The following AGT variants were observed in gnomAD, a reference collection of about 807,000 sequenced individuals.
AGT encodes the protein angiotensinogen, also known as alpha-1 antiproteinase, antitrypsin.
In AGT, 26 loss-of-function variants were observed where a neutral mutation model predicts 28.1. The observed-to-expected ratio is 0.92, with a 90% confidence interval of 0.68 to 1.28. The LOEUF is 1.28. Ranked by LOEUF, AGT falls within the 50% of genes most tolerant of loss-of-function variation. The probability of loss-of-function intolerance (pLI) is 0.00; values close to 1 mark genes in which losing one functional copy is unlikely to be tolerated. For missense variants in AGT, 596 were observed against 592.3 expected, an observed-to-expected ratio of 1.01 and a Z score of -0.06; for synonymous variants, 259 against 259.6, an observed-to-expected ratio of 1.00 and a Z score of 0.02.
In AGT at chr1:230,705,985, C is replaced by G; in HGVS notation, c.1045G>C (p.Gly349Arg). Residue 349 changes from glycine (G) to arginine (R), a missense_variant, in exon 3 of 5, where the codon GGT (glycine) becomes CGT (arginine). Physicochemically the swap from Gly to Arg is moderately radical, Grantham distance 125. Transcript: ENST00000366667. ...AGGGAGTTTTGCTGGAAAGTGAGAC[C>G]CTCCACCTTGTCCAGGTCAGAGGCA... ...HYASDLDKVE[G>R]LTFQQNSLNW... is the part of the protein sequence containing the mutation. 6.2e-7 allele frequency: 1 copy of G among 1,614,100 alleles called. No homozygotes were observed. Among genetic ancestry groups the G allele is most frequent in the Non-Finnish European group, 8.5e-7 (1 of 1,180,008 alleles).
intron 1 of AGT, among the ~76,000 whole-genome samples, chr1:230,724,607 T>C (rs1663904330): frequency 6.6e-6 from 1 of 152,082 alleles, no homozygotes; most frequent in South Asian, 2.1e-4. Flanking sequence ...GTGAAACACT[T>C]GAGCCCAGGA....
At chr1:230,731,353 A>C (rs1664051680) in intron 1 of AGT, among the ~76,000 whole-genome samples, 1 of 152,170 alleles carries the variant, frequency 6.6e-6, no homozygotes, top group African/African-American at 2.4e-5. Context: ...CTGTTATCAC[A>C]CAGCACATAG....
At chr1:230,712,153 C>A (rs1571978246) in intron 1 of AGT, among the ~76,000 whole-genome samples, 1 of 152,144 alleles carries the variant, frequency 6.6e-6, no homozygotes, top group African/African-American at 2.4e-5. Flanking sequence ...CTTTTCTGTC[C>A]CCCCAGGGCT....
Position 230,719,642 on chromosome 1 carries a change from C to T in AGT, c.-30-8789G>A, listed in dbSNP as rs1017540324. Among the ~76,000 whole-genome samples, 172 of 152,106 alleles carry T rather than the reference C, an allele frequency of 1.1e-3. 1 individual carries two copies. The highest frequency in any genetic ancestry group is 2.0e-4 in the Admixed American group (3 of 15,270). ...CAGGGTGGTCTCGATCTCCTGACCT[C>T]GTGATCCGCCTGCCTCGGCCTCCCA... On this transcript the variant is annotated intron_variant, in intron 1 of 4. Transcript: ENST00000681269.
intron 1 of AGT, among the ~76,000 whole-genome samples, chr1:230,727,083 G>T (rs1390524942): frequency 1.3e-5 from 2 of 152,198 alleles, no homozygotes. Context: ...GATGTTCAGG[G>T]ATGGTGGCAG....
chr1:230,706,129 C>G lies in AGT; in HGVS notation c.901G>C (p.Val301Leu), dbSNP rs201352496. ...FWVDNSTSVSVPMLSGMGTFQ... is the reference protein window; with the variant it reads ...FWVDNSTSVSLPMLSGMGTFQ... Reference sequence around the variant, plus strand: ...GTGCCCATGCCAGAGAGCATGGGAACAGACACTGAGGTGCTGTTGTCCACC... The same window carrying G: ...GTGCCCATGCCAGAGAGCATGGGAAGAGACACTGAGGTGCTGTTGTCCACC... Residue 301 changes from valine (V) to leucine (L), a missense_variant, in exon 3 of 5, where the codon GTT (valine) becomes CTT (leucine). Val to Leu is a conservative substitution (Grantham distance 32). Transcript: ENST00000366667. 3.8e-5 allele frequency: 61 copies of G among 1,613,966 alleles called. No homozygotes were observed. The Admixed American group carries it at 5.0e-4, about 13-fold the overall frequency.
At chr1:230,732,579 G>A (rs1350439448) in intron 1 of AGT, among the ~76,000 whole-genome samples, 2 of 152,152 alleles carry the variant, frequency 1.3e-5, no homozygotes, top group Admixed American at 6.5e-5. Flanking sequence ...AAACTTTACT[G>A]ATAATCTAAT....
At chr1:230,708,827 C>T (rs896975518) in intron 2 of AGT, among the ~76,000 whole-genome samples, 2 of 152,196 alleles carry the variant, frequency 1.3e-5, no homozygotes, top group Admixed American at 6.5e-5. Context: ...GGCAGGCTTC[C>T]GGGATGACCT....
upstream of AGT, among the ~76,000 whole-genome samples, chr1:230,717,850 A>G (rs1663768062): frequency 1.3e-5 from 2 of 152,204 alleles, no homozygotes; most frequent in South Asian, 4.1e-4. Flanking sequence ...TCCAATAAAG[A>G]ACACTCAAAT....
At chr1:230,713,925 C>T (rs539302499) in intron 1 of AGT, among the ~76,000 whole-genome samples, 161 bp downstream of exon 1, 6 of 152,190 alleles carry the variant, frequency 3.9e-5, no homozygotes, top group Admixed American at 1.3e-4. Context: ...AGGTGGGCAC[C>T]GAGTGGGGGA....
intron 1 of AGT, among the ~76,000 whole-genome samples, chr1:230,722,591 C>T (rs554058368): frequency 6.8e-4 from 104 of 152,358 alleles, no homozygotes; most frequent in Non-Finnish European, 1.2e-3. Flanking sequence ...GGCCATGGGA[C>T]CTTGCTGCTT....
chr1:230,710,899 CT>C (rs755834579), intron 1 of AGT, 46 bp from the exon 2 acceptor site: 2 of 1,595,298 alleles, frequency 1.3e-6, no homozygotes, highest in Middle Eastern at 1.8e-4. Flanking sequence ...ATTAACTGAC[CT>C]TTAAGTGCCA....
intron 1 of AGT, among the ~76,000 whole-genome samples, chr1:230,720,510 CG>C (rs774406622): frequency 1.2e-4 from 18 of 150,114 alleles, no homozygotes; most frequent in Middle Eastern, 3.2e-3. Context: ...GCAGATGGGG[CG>C]GGTCCCCGGT....
At chr1:230,726,521 C>T (rs1663945336) in intron 1 of AGT, among the ~76,000 whole-genome samples, 1 of 151,972 alleles carries the variant, frequency 6.6e-6, no homozygotes, top group Admixed American at 6.6e-5. Context: ...ACCTAAGATC[C>T]TAAGATGTCA....
chr1:230,705,239 C>T (rs993721859), intron 3 of AGT, among the ~76,000 whole-genome samples: 3 of 152,106 alleles, frequency 2.0e-5, no homozygotes, highest in Non-Finnish European at 4.4e-5. Context: ...AAAATGGTTA[C>T]GATGGCAAAT....
chr1:230,737,728 T>C (rs111430925), intron 1 of AGT, among the ~76,000 whole-genome samples: 10,034 of 152,246 alleles, frequency 0.066, 464 homozygotes, highest in East Asian at 0.14. Context: ...AAGATAGCTT[T>C]GAGATGTAAT....
upstream of AGT, among the ~76,000 whole-genome samples, chr1:230,719,494 G>A (rs1292073171): frequency 1.4e-5 from 2 of 147,890 alleles, no homozygotes; most frequent in African/African-American, 4.9e-5. Flanking sequence ...TGCAAGCTCC[G>A]CCTCCTGGGT....
intron 1 of AGT, among the ~76,000 whole-genome samples, chr1:230,733,518 T>A (rs59352069): frequency 0.086 from 13,030 of 152,158 alleles, 711 homozygotes; most frequent in South Asian, 0.21. Flanking sequence ...GACAAATCAC[T>A]AAGTGATTTG....
At chr1:230,712,600 G>A (rs1283426190) in intron 1 of AGT, among the ~76,000 whole-genome samples, 1 of 152,332 alleles carries the variant, frequency 6.6e-6, no homozygotes, top group East Asian at 1.9e-4. Context: ...CGACTGCTGG[G>A]AAGTCCTGCC....
Sources: gnomAD v4.1 joint callset for allele counts (sites outside exome capture counted in the v4.1 genomes callset) on GRCh38, gnomAD v4.1.1 for gene constraint, MANE v1.5 for transcripts, NCBI Gene and HGNC (gene_info 2026-07-23, HGNC 2026-07-21) for gene names.